The following RPS6KC1 variants were observed in gnomAD, a reference collection of about 807,000 sequenced individuals.
RPS6KC1 encodes the protein inactive ribosomal protein S6 kinase delta-1.
In RPS6KC1, 54 loss-of-function variants were observed where a neutral mutation model predicts 103.8. The ratio of observed to expected loss-of-function variants is 0.52; its 90% confidence interval spans 0.42 to 0.65. RPS6KC1 has a LOEUF of 0.65. Among genes scored for constraint, RPS6KC1 ranks in the 30% least tolerant of loss-of-function variants. RPS6KC1 has a pLI of 0.00. For synonymous variants in RPS6KC1, 439 were observed against 438.7 expected, an observed-to-expected ratio of 1.00 and a Z score of -0.01; for missense variants, 1,151 against 1,253.8, an observed-to-expected ratio of 0.92 and a Z score of 1.24.
At chr1:213,361,661 G>T in the RPS6KC1 span, among the ~76,000 whole-genome samples, 1 of 152,200 alleles carries the variant, frequency 6.6e-6, no homozygotes. Flanking sequence ...GACTGGAGCT[G>T]TTCCTATTCG....
At chr1:213,389,918 A>G in the RPS6KC1 span, among the ~76,000 whole-genome samples, 1 of 152,118 alleles carries the variant, frequency 6.6e-6, no homozygotes, top group African/African-American at 2.4e-5. Flanking sequence ...TGTAATTACC[A>G]GTGGCCCTGT....
chr1:213,685,629 C>CAA, the RPS6KC1 span, among the ~76,000 whole-genome samples: 200 of 95,698 alleles, frequency 2.1e-3, 2 homozygotes, highest in African/African-American at 6.4e-3. Flanking sequence ...GACTCCATTT[C>CAA]AAAAAAAAAA....
chr1:213,356,357 A>G, the RPS6KC1 span, among the ~76,000 whole-genome samples: 4 of 152,222 alleles, frequency 2.6e-5, no homozygotes, highest in Non-Finnish European at 4.4e-5. Context: ...CAGTGACCCA[A>G]GTAAAACCTG....
chr1:213,664,776 G>A, the RPS6KC1 span, among the ~76,000 whole-genome samples: 6 of 152,280 alleles, frequency 3.9e-5, no homozygotes, highest in South Asian at 1.2e-3. Context: ...AAGATCTTTA[G>A]TATGGTGTTG....
At chr1:213,444,138 T>C in the RPS6KC1 span, among the ~76,000 whole-genome samples, 2 of 152,142 alleles carry the variant, frequency 1.3e-5, no homozygotes, top group Non-Finnish European at 2.9e-5. Context: ...CCTTGGCTTG[T>C]GGCATCATAA....
rs1558352446 is a variant in RPS6KC1 at position 213,117,418 on chromosome 1, A to T, written c.472+8A>T. 3 of 1,561,086 alleles carry T rather than the reference A, an allele frequency of 1.9e-6. No homozygotes were observed. Among genetic ancestry groups the T allele is most frequent in the Non-Finnish European group, 1.8e-6 (2 of 1,139,006 alleles). ...CTGAGTGTAGTACGGAAGGTAAGAGATTTTAATTTTTTTGCATTTCAAAGG... is the reference window on the plus strand; with the variant it reads ...CTGAGTGTAGTACGGAAGGTAAGAGTTTTTAATTTTTTTGCATTTCAAAGG... On this transcript the variant is annotated splice_region_variant and intron_variant, in intron 5 of 14. Coordinates refer to ENST00000366960, the MANE Select transcript of RPS6KC1 (RefSeq NM_012424.6).
At chr1:213,464,734 C>T in the RPS6KC1 span, among the ~76,000 whole-genome samples, 3 of 150,626 alleles carry the variant, frequency 2.0e-5, no homozygotes, top group Non-Finnish European at 3.0e-5. Context: ...TTCGGTATGT[C>T]GTATTCTGTT....
the RPS6KC1 span, among the ~76,000 whole-genome samples, chr1:213,637,983 A>G: frequency 1.3e-5 from 2 of 151,850 alleles, no homozygotes; most frequent in Admixed American, 6.6e-5. Flanking sequence ...CACCTGGCTA[A>G]TGTTAAAATT....
the RPS6KC1 span, among the ~76,000 whole-genome samples, chr1:213,716,857 C>T: frequency 6.6e-6 from 1 of 152,042 alleles, no homozygotes; most frequent in East Asian, 1.9e-4. Flanking sequence ...TTATAACATC[C>T]CTATGAAAAA....
chr1:213,714,280 C>T, the RPS6KC1 span, among the ~76,000 whole-genome samples: 1 of 152,110 alleles, frequency 6.6e-6, no homozygotes. Flanking sequence ...GATGTTAGCA[C>T]TTGTTGTTAT....
At chr1:213,431,811 G>A in the RPS6KC1 span, among the ~76,000 whole-genome samples, 1 of 151,870 alleles carries the variant, frequency 6.6e-6, no homozygotes, top group Admixed American at 6.6e-5. Flanking sequence ...GTATTATGTG[G>A]GCATGCACTA....
At chr1:213,205,985 T>A (rs1041425647) in intron 8 of RPS6KC1, among the ~76,000 whole-genome samples, 1 of 152,098 alleles carries the variant, frequency 6.6e-6, no homozygotes, top group African/African-American at 2.4e-5. Flanking sequence ...TCAAAAAGTT[T>A]TAGATTTTAG....
the RPS6KC1 span, among the ~76,000 whole-genome samples, chr1:213,852,820 A>G: frequency 2.6e-5 from 4 of 152,328 alleles, no homozygotes; most frequent in East Asian, 7.7e-4. Flanking sequence ...TTAGGGGCAC[A>G]GAGAAAGAAT....
chr1:213,789,660 A>G, the RPS6KC1 span, among the ~76,000 whole-genome samples: 3 of 152,190 alleles, frequency 2.0e-5, no homozygotes, highest in Non-Finnish European at 4.4e-5. Context: ...CCTTAAAACG[A>G]TAAGGTACTC....
intron 8 of RPS6KC1, among the ~76,000 whole-genome samples, chr1:213,180,348 AC>A (rs2148349255): frequency 6.6e-6 from 1 of 152,346 alleles, no homozygotes; most frequent in African/African-American, 2.4e-5. Context: ...TAGGGAAGAG[AC>A]TTGCATGCTA....
the RPS6KC1 span, among the ~76,000 whole-genome samples, chr1:213,718,556 G>C: frequency 6.6e-6 from 1 of 152,202 alleles, no homozygotes; most frequent in Non-Finnish European, 1.5e-5. Flanking sequence ...GCCATAAATG[G>C]CTGACAGAAT....
chr1:213,650,200 G>A, the RPS6KC1 span, among the ~76,000 whole-genome samples: 1 of 152,076 alleles, frequency 6.6e-6, no homozygotes, highest in Admixed American at 6.6e-5. Flanking sequence ...TTTAGAAACA[G>A]GTTTAAGATG....
chr1:213,654,488 G>A, the RPS6KC1 span, among the ~76,000 whole-genome samples: 2 of 152,064 alleles, frequency 1.3e-5, no homozygotes, highest in African/African-American at 4.8e-5. Context: ...CCAACCTAAA[G>A]CATTACAGCT....
chr1:213,461,706 G>A, the RPS6KC1 span, among the ~76,000 whole-genome samples: 1 of 152,122 alleles, frequency 6.6e-6, no homozygotes. Context: ...ATGGTGTTGG[G>A]AAAACTGACT....
Sources: gnomAD v4.1 joint callset for allele counts (sites outside exome capture counted in the v4.1 genomes callset) on GRCh38, gnomAD v4.1.1 for gene constraint, MANE v1.5 for transcripts, NCBI Gene and HGNC (gene_info 2026-07-23, HGNC 2026-07-21) for gene names.